The following MAP7D1 variants were observed in gnomAD, a reference collection of about 807,000 sequenced individuals.
The protein encoded by MAP7D1 is MAP7 domain containing 1.
A neutral mutation model predicts 97.5 loss-of-function variants in MAP7D1; 30 were observed. That is an observed-to-expected ratio of 0.31 (90% confidence interval 0.23 to 0.42). MAP7D1 has a LOEUF of 0.42. MAP7D1 is among the 10% of genes least tolerant of loss of function. The pLI is 1.00. For missense variants in MAP7D1, 1,184 were observed against 1,179.5 expected (o/e 1.00, Z -0.06); for synonymous variants, 536 against 477.1 (o/e 1.12, Z -1.61).
Position 36,173,445 on chromosome 1 carries a change from G to T in MAP7D1, c.706G>T (p.Ala236Ser), listed in dbSNP as rs756075674. The T allele has an allele frequency of 8.7e-5, 141 of 1,613,794 alleles. No homozygotes were observed. Among genetic ancestry groups the T allele is most frequent in the Non-Finnish European group, 1.1e-4 (134 of 1,179,944 alleles). The change falls in exon 5 of 17, where the codon GCC becomes TCC. Residue 236 changes from alanine to serine, a missense_variant. Coordinates refer to ENST00000474796, the MANE Select transcript of MAP7D1 (RefSeq NM_001388490.1). ...IRQQRWSWAG[A>S]LHHSSPGHKT... is the part of the protein sequence containing the mutation. ...GCAGCAGCGCTGGTCCTGGGCAGGG[G>T]CCCTGCACCACAGCTCTCCAGGACA...
intron 1 of MAP7D1, among the ~76,000 whole-genome samples, chr1:36,169,707 C>G (rs1644516986): frequency 6.6e-6 from 1 of 152,238 alleles, no homozygotes; most frequent in African/African-American, 2.4e-5. Context: ...CATACAGAAG[C>G]TTCTGTTTGG....
intron 1 of MAP7D1, among the ~76,000 whole-genome samples, chr1:36,170,450 C>T (rs1310722100): frequency 6.6e-6 from 1 of 151,500 alleles, no homozygotes; most frequent in Non-Finnish European, 1.5e-5. Flanking sequence ...TGGGCACAGT[C>T]ACCCAGAAGT....
intron 1 of MAP7D1, among the ~76,000 whole-genome samples, chr1:36,163,369 A>G (rs1311652875): frequency 6.6e-6 from 1 of 152,216 alleles, no homozygotes; most frequent in Non-Finnish European, 1.5e-5. Context: ...CAACAGTGGC[A>G]AAACCTCACA....
intron 1 of MAP7D1, among the ~76,000 whole-genome samples, 170 bp downstream of exon 1, chr1:36,156,633 A>T (rs751883753): frequency 6.6e-6 from 1 of 151,932 alleles, no homozygotes; most frequent in Non-Finnish European, 1.5e-5. Context: ...CTCGCGATGC[A>T]TCCTCTGACA....
intron 1 of MAP7D1, 114 bp from the exon 2 acceptor site, chr1:36,170,857 A>C: frequency 1.5e-6 from 1 of 656,242 alleles, no homozygotes; most frequent in Non-Finnish European, 2.8e-6. Flanking sequence ...ACATAGAAAT[A>C]ACTCAAACAT....
chr1:36,171,055 T>C lies in MAP7D1; in HGVS notation c.131T>C (p.Val44Ala), dbSNP rs902735526. Residue 44 changes from valine (V) to alanine (A), a missense_variant, in exon 2 of 17, where the codon GTC (valine) becomes GCC (alanine). Val to Ala is a moderately conservative substitution (Grantham distance 64). Coordinates refer to ENST00000474796, the MANE Select transcript of MAP7D1 (RefSeq NM_001388490.1). The stretch of plus-strand genomic sequence containing the variant: ...CCACCACCACCAATGTCAGCCCTGG[T>C]CCCCGACACTCCCCCGGACACCCCT... ...SPPPPPMSALVPDTPPDTPPA... is the reference protein window; with the variant it reads ...SPPPPPMSALAPDTPPDTPPA... 7.5e-7 allele frequency: 1 copy of C among 1,332,368 alleles called. No individual in the cohort carries two copies. The highest frequency in any genetic ancestry group is 1.0e-6 in the Non-Finnish European group (1 of 1,001,100). 82.5% of individuals were successfully genotyped at this position (1,332,368 alleles called of 1,614,324 possible).
At chr1:36,168,683 C>T (rs1644503029) in intron 1 of MAP7D1, among the ~76,000 whole-genome samples, 5 of 152,026 alleles carry the variant, frequency 3.3e-5, no homozygotes. Context: ...TGGATCCTAG[C>T]AAGCTGGATG....
Position 36,178,457 on chromosome 1 carries a change from C to T in MAP7D1, c.1747C>T (p.Pro583Ser). The change falls in exon 10 of 17, where the codon CCG becomes TCG. Residue 583 changes from proline to serine, a missense_variant. By Grantham distance (74) the Pro-to-Ser change is moderately conservative. Transcript: ENST00000474796. ...GACCTCACCCCCAGCCCCTGCTCCC[C>T]CGGTGACCCCTAGCAAACCAATGGC... The part of the protein sequence containing the change: ...VLTSPPAPAP[P>S]VTPSKPMAGT... 6.2e-7 allele frequency: 1 copy of T among 1,611,706 alleles called. No homozygotes were observed. Among genetic ancestry groups the T allele is most frequent in the South Asian group, 1.1e-5 (1 of 90,936 alleles).
intron 12 of MAP7D1, 37 bp downstream of exon 12, chr1:36,179,062 T>C: frequency 1.9e-6 from 1 of 522,666 alleles, no homozygotes; most frequent in Non-Finnish European, 3.1e-6. Context: ...GGGCGGGGCC[T>C]GGGCAGGGCG....
rs189678494 is a variant in MAP7D1 at position 36,176,384 on chromosome 1, G to C, written c.1036G>C (p.Gly346Arg). 1 of 1,524,216 alleles carries C rather than the reference G, an allele frequency of 6.6e-7. No homozygotes were observed. Among genetic ancestry groups the C allele is most frequent in the South Asian group, 1.2e-5 (1 of 83,162 alleles). 94.4% of individuals were successfully genotyped at this position (1,524,216 alleles called of 1,614,324 possible). The change falls in exon 7 of 17, where the codon GGG becomes CGG. Residue 346 changes from glycine to arginine, a missense_variant. Transcript: ENST00000474796. The surrounding 1 kb of genome is among the most constrained non-coding windows in gnomAD (Gnocchi z 6.1). Reference sequence around the variant, plus strand: ...CCGGGCAGGGGCCAGCCTGGCGCGCGGGCCGCAACCCGACCGCACTCATCC... The same window carrying C: ...CCGGGCAGGGGCCAGCCTGGCGCGCCGGCCGCAACCCGACCGCACTCATCC... ...WGRAGASLAR[G>R]PQPDRTHPSA...
At position 36,159,294 on chromosome 1, in the gene MAP7D1, G is replaced by A. The variant is rs1644378288; in HGVS notation, c.46+2831G>A. Among the ~76,000 whole-genome samples the A allele has an allele frequency of 6.6e-6, 1 of 152,168 alleles. No individual in the cohort carries two copies. The highest frequency in any genetic ancestry group is 1.5e-5 in the Non-Finnish European group (1 of 68,028). On this transcript the variant is annotated intron_variant, in intron 1 of 16. Transcript: ENST00000474796. This position sits in a 1 kb window ranked among gnomAD's most constrained non-coding sequence, Gnocchi z 5.4. Reference sequence around the variant, plus strand: ...GCTGGTCTCGAACTCCTGACCTCGTGATCTTCCCACCTTGGCCTCCCAAAG... The same window carrying A: ...GCTGGTCTCGAACTCCTGACCTCGTAATCTTCCCACCTTGGCCTCCCAAAG...
At chr1:36,175,242 G>A (rs756563459) in intron 6 of MAP7D1, among the ~76,000 whole-genome samples, 152 of 152,258 alleles carry the variant, frequency 1.0e-3, no homozygotes, top group Non-Finnish European at 7.8e-4. Flanking sequence ...GCACAATGCC[G>A]CAGAGGGCAG....
intron 11 of MAP7D1, 31 bp downstream of exon 11, chr1:36,178,854 GCGGGCGC>G: frequency 6.5e-7 from 1 of 1,545,450 alleles, no homozygotes; most frequent in Non-Finnish European, 8.7e-7. Flanking sequence ...GCGGCTGGGC[GCGGGCGC>G]CGCGGGCCGG....
chr1:36,178,742 G>C lies in MAP7D1; in HGVS notation c.1944G>C (p.Ala648=), dbSNP rs1466274738. The change falls in exon 11 of 17, where the codon GCG becomes GCC. Residue 648 remains alanine, a synonymous_variant. Coordinates refer to ENST00000474796, the MANE Select transcript of MAP7D1 (RefSeq NM_001388490.1). The stretch of plus-strand genomic sequence containing the variant: ...CCGAGGCCCGGGCGGAGCGGGAGGC[G>C]GAGGCCCGGAGGCGGGAGGAGCAGG... ...REAEARAERE[A]EARRREEQEA... 6.5e-7 allele frequency: 1 copy of C among 1,544,270 alleles called. No individual in the cohort carries two copies. Among genetic ancestry groups the C allele is most frequent in the East Asian group, 2.4e-5 (1 of 40,840 alleles).
intron 1 of MAP7D1, among the ~76,000 whole-genome samples, chr1:36,161,180 T>A (rs896638520): frequency 1.3e-5 from 2 of 152,210 alleles, no homozygotes; most frequent in Non-Finnish European, 2.9e-5. Context: ...GGTGGCCTGG[T>A]CCCAGTGCCC....
intron 6 of MAP7D1, 34 bp downstream of exon 6, chr1:36,175,042 C>A: frequency 7.1e-7 from 1 of 1,418,052 alleles, no homozygotes; most frequent in Non-Finnish European, 1.0e-6. Flanking sequence ...CCCTCCAGAG[C>A]CCCTTGTAGC....
At chr1:36,177,668 A>G (rs1246928194) in intron 8 of MAP7D1, 2 of 833,850 alleles carry the variant, frequency 2.4e-6, no homozygotes, top group Non-Finnish European at 1.9e-6. Flanking sequence ...GGGGACATAC[A>G]ATAATCAAAG....
chr1:36,178,578 T>G lies in MAP7D1; in HGVS notation c.1868T>G (p.Leu623Arg), dbSNP rs751927791. The G allele has an allele frequency of 3.2e-6, 5 of 1,585,030 alleles. No homozygotes were observed. The African/African-American group carries it at 4.0e-5, about 13-fold the overall frequency. The part of the protein sequence containing the change: ...QREREEQERR[L>R]QAERDKRMRE... ...GAGCGCGAGGAGCAGGAGCGGAGGC[T>G]GCAGGCAGAAAGGGACAAGTGAGTG... The change falls in exon 10 of 17, where the codon CTG (leucine) becomes CGG (arginine). Residue 623 changes from leucine to arginine, a missense_variant. Leu to Arg is a moderately radical substitution (Grantham distance 102). Coordinates refer to ENST00000474796, the MANE Select transcript of MAP7D1 (RefSeq NM_001388490.1).
At chr1:36,171,451 T>C in intron 2 of MAP7D1, 62 bp from the exon 3 acceptor site, 1 of 1,590,418 alleles carries the variant, frequency 6.3e-7, no homozygotes, top group Non-Finnish European at 8.6e-7. Context: ...GGGAGGGATC[T>C]GAGGCTGACT....
Sources: gnomAD v4.1 joint callset for allele counts (sites outside exome capture counted in the v4.1 genomes callset) on GRCh38, gnomAD v4.1.1 for gene constraint, Gnocchi (gnomAD v3.1) non-coding constraint, MANE v1.5 for transcripts, NCBI Gene and HGNC (gene_info 2026-07-23, HGNC 2026-07-21) for gene names.